ZNF605: variants seen among roughly 807,000 people sequenced by gnomAD.
The protein encoded by ZNF605 is zinc finger protein 605.
ZNF605 carries 9 observed loss-of-function variants against 7.9 expected under a neutral mutation model. That is an observed-to-expected ratio of 1.14 (90% CI 0.68 to 1.98). The LOEUF (loss-of-function observed/expected upper bound fraction) is 1.98, where lower values mean the gene tolerates loss of function less well. Among genes scored for constraint, ZNF605 ranks in the 30% most tolerant of loss-of-function variants. ZNF605 has a pLI of 0.00. For synonymous variants in ZNF605, 255 were observed against 260.1 expected, an observed-to-expected ratio of 0.98 and a Z score of 0.19; for missense variants, 673 against 762.4, an observed-to-expected ratio of 0.88 and a Z score of 1.38.
intron 1 of ZNF605, among the ~76,000 whole-genome samples, chr12:132,954,307 C>T (rs1245953456): frequency 3.6e-5 from 5 of 139,792 alleles, no homozygotes; most frequent in East Asian, 2.1e-4. Context: ...CAAAGGATCC[C>T]CACAGAACTC....
At chr12:132,934,416 C>T (rs1952340016) in intron 3 of ZNF605, among the ~76,000 whole-genome samples, 1 of 151,982 alleles carries the variant, frequency 6.6e-6, no homozygotes, top group Non-Finnish European at 1.5e-5. Context: ...ATTAAGATTC[C>T]AGGAACCATC....
At chr12:132,932,772 T>A in intron 4 of ZNF605, 1 of 1,536,778 alleles carries the variant, frequency 6.5e-7, no homozygotes, top group Non-Finnish European at 8.7e-7. Flanking sequence ...TTGTTCCAGT[T>A]TGAACATTGC....
intron 3 of ZNF605, among the ~76,000 whole-genome samples, chr12:132,940,810 C>T (rs986380637): frequency 2.0e-4 from 31 of 152,166 alleles, no homozygotes; most frequent in Middle Eastern, 3.4e-3. Context: ...GGGTTTACTG[C>T]GTAATGCTGA....
intron 4 of ZNF605, among the ~76,000 whole-genome samples, chr12:132,931,587 G>C: frequency 6.6e-6 from 1 of 152,220 alleles, no homozygotes; most frequent in East Asian, 1.9e-4. Flanking sequence ...TTTCAGAAGA[G>C]CGTGTGAGGA....
At chr12:132,949,412 T>C (rs974225701) in intron 1 of ZNF605, among the ~76,000 whole-genome samples, 2 of 152,212 alleles carry the variant, frequency 1.3e-5, no homozygotes, top group Admixed American at 6.5e-5. Flanking sequence ...ACTCAATCAA[T>C]AGAGTGGAGA....
At chr12:132,955,948 A>C in intron 1 of ZNF605, among the ~76,000 whole-genome samples, 2 of 149,586 alleles carry the variant, frequency 1.3e-5, no homozygotes, top group Admixed American at 6.6e-5. Flanking sequence ...GCTGACCCCA[A>C]ATCTCCCCCG....
At chr12:132,956,105 A>G (rs1952635066) in intron 1 of ZNF605, 138 bp downstream of exon 1, 1 of 142,638 alleles carries the variant, frequency 7.0e-6, no homozygotes, top group African/African-American at 2.6e-5. Context: ...TTCTCGCCCC[A>G]GCCGGCAGCC....
chr12:132,952,486 A>G (rs894090159), intron 1 of ZNF605, among the ~76,000 whole-genome samples: 2 of 150,178 alleles, frequency 1.3e-5, no homozygotes, highest in Non-Finnish European at 1.5e-5. Flanking sequence ...TTTAACTGTG[A>G]CCAAGGGATG....
intron 3 of ZNF605, among the ~76,000 whole-genome samples, chr12:132,942,657 G>A (rs1452557775): frequency 6.6e-6 from 1 of 152,180 alleles, no homozygotes; most frequent in Non-Finnish European, 1.5e-5. Context: ...GTTGTTTCTA[G>A]GGGACCACGT....
At chr12:132,940,322 G>T (rs1427249418) in intron 3 of ZNF605, among the ~76,000 whole-genome samples, 2 of 152,210 alleles carry the variant, frequency 1.3e-5, no homozygotes, top group Non-Finnish European at 2.9e-5. Flanking sequence ...GAACTTGGAC[G>T]TGTTTTAAAA....
chr12:132,938,073 T>C (rs1952386738), intron 3 of ZNF605, among the ~76,000 whole-genome samples: 1 of 152,148 alleles, frequency 6.6e-6, no homozygotes, highest in Non-Finnish European at 1.5e-5. Flanking sequence ...CCCCGCCTCC[T>C]GGGTTCACGC....
chr12:132,939,531 ACT>A (rs1269203163), intron 3 of ZNF605, among the ~76,000 whole-genome samples: 1 of 151,370 alleles, frequency 6.6e-6, no homozygotes, highest in African/African-American at 2.4e-5. Context: ...GTGTGTGGAA[ACT>A]CTGTATCTAA....
chr12:132,926,461 G>T lies in ZNF605; in HGVS notation c.838C>A (p.Pro280Thr). 6.2e-7 allele frequency: 1 copy of T among 1,614,090 alleles called. No homozygotes were observed. The highest frequency in any genetic ancestry group is 8.5e-7 in the Non-Finnish European group (1 of 1,180,020). ...TTCCCACACTCACTGCAACTGTAGG[G>T]TTTCTCTATTGTGTGCGTTATCTGA... ...RHQITHTIEK[P>T]YSCSECGKAF... Residue 280 changes from proline (P) to threonine (T), a missense_variant, in exon 5 of 5, where the codon CCC (proline) becomes ACC (threonine). Coordinates refer to ENST00000360187, the MANE Select transcript of ZNF605 (RefSeq NM_183238.4).
intron 3 of ZNF605, among the ~76,000 whole-genome samples, chr12:132,943,358 C>CA (rs1331280015): frequency 0.013 from 1,281 of 97,804 alleles, 12 homozygotes; most frequent in African/African-American, 0.032. Context: ...GACTCCATCT[C>CA]AAAAAAAAAA....
At chr12:132,940,845 C>T (rs1282607185) in intron 3 of ZNF605, among the ~76,000 whole-genome samples, 1 of 152,118 alleles carries the variant, frequency 6.6e-6, no homozygotes, top group Non-Finnish European at 1.5e-5. Flanking sequence ...CTGATCCTGT[C>T]GCCCAGGTGG....
In ZNF605 at chr12:132,927,102, A is replaced by G; in HGVS notation, c.197T>C (p.Met66Thr). Residue 66 changes from methionine (M) to threonine (T), a missense_variant, in exon 5 of 5, where the codon ATG becomes ACG. Coordinates refer to ENST00000360187, the MANE Select transcript of ZNF605 (RefSeq NM_183238.4). ...LRDNQDNLKSMERGHKYDVFG... is the reference protein window; with the variant it reads ...LRDNQDNLKSTERGHKYDVFG... ...AACATCATATTTATGGCCTCTCTCC[A>G]TACTTTTAAGGTTGTCTTGATTATC... The G allele has an allele frequency of 6.3e-7, 1 of 1,596,426 alleles. No homozygotes were observed. Among genetic ancestry groups the G allele is most frequent in the Non-Finnish European group, 8.5e-7 (1 of 1,178,944 alleles).
At chr12:132,936,376 A>T (rs1289718450) in intron 3 of ZNF605, among the ~76,000 whole-genome samples, 16 of 152,224 alleles carry the variant, frequency 1.1e-4, no homozygotes, top group African/African-American at 3.4e-4. Flanking sequence ...GCAAAAGCTC[A>T]GAAATGGAAA....
chr12:132,934,004 C>G (rs1952332921), intron 3 of ZNF605, among the ~76,000 whole-genome samples: 1 of 152,140 alleles, frequency 6.6e-6, no homozygotes, highest in South Asian at 2.1e-4. Flanking sequence ...TGCCTGTAAT[C>G]CCAGCACTTT....
intron 3 of ZNF605, among the ~76,000 whole-genome samples, chr12:132,937,629 T>C (rs1952382300): frequency 6.6e-6 from 1 of 152,212 alleles, no homozygotes; most frequent in Admixed American, 6.5e-5. Flanking sequence ...GAAAACATTT[T>C]GGCAGTTTCT....
Sources: gnomAD v4.1 joint callset for allele counts (sites outside exome capture counted in the v4.1 genomes callset) on GRCh38, gnomAD v4.1.1 for gene constraint, MANE v1.5 for transcripts, NCBI Gene and HGNC (gene_info 2026-07-23, HGNC 2026-07-21) for gene names.